DVL1: variants seen among roughly 807,000 people sequenced by gnomAD.
DVL1 encodes the protein dishevelled segment polarity protein 1.
A neutral mutation model predicts 65.0 loss-of-function variants in DVL1; 49 were observed. The observed-to-expected ratio is 0.75, with a 90% CI of 0.60 to 0.96. The LOEUF (loss-of-function observed/expected upper bound fraction) is 0.96, where lower values mean the gene tolerates loss of function less well. Ranked by LOEUF, DVL1 falls within the 40% of genes least tolerant of loss-of-function variation. The probability of loss-of-function intolerance (pLI) is 0.00; values close to 1 mark genes in which losing one functional copy is unlikely to be tolerated. For missense variants in DVL1, 1,197 were observed against 1,045.4 expected (o/e 1.15, Z -2.00); for synonymous variants, 608 against 433.9 (o/e 1.40, Z -4.99).
Position 1,336,207 on chromosome 1 carries a change from C to A in DVL1, c.2023G>T (p.Gly675Cys), listed in dbSNP as rs1346217406. The change falls in exon 15 of 15, where the codon GGC (glycine) becomes TGC (cysteine). Residue 675 changes from glycine to cysteine, a missense_variant. By Grantham distance (159) the Gly-to-Cys change is radical. Coordinates refer to ENST00000378888, the MANE Select transcript of DVL1 (RefSeq NM_001330311.2). ...ELAAVPPELT[G>C]SRQSFQKAMG... ...GCCTTCTGGAAGGACTGGCGGCTGCCTGTCAATTCCGGGGGGACGGCAGCC... is the reference window on the plus strand; with the variant it reads ...GCCTTCTGGAAGGACTGGCGGCTGCATGTCAATTCCGGGGGGACGGCAGCC... 1 of 1,562,278 alleles carries A rather than the reference C, an allele frequency of 6.4e-7. No individual in the cohort carries two copies. The highest frequency in any genetic ancestry group is 2.3e-5 in the East Asian group (1 of 42,808).
At position 1,336,199 on chromosome 1, in the gene DVL1, G is replaced by A. The variant is rs1348903210; in HGVS notation, c.2031C>T (p.Arg677=). 2 of 1,564,760 alleles carry A rather than the reference G, an allele frequency of 1.3e-6. No homozygotes were observed. Among genetic ancestry groups the A allele is most frequent in the Non-Finnish European group, 8.6e-7 (1 of 1,160,678 alleles). ...TCCCCATAGCCTTCTGGAAGGACTG[G>A]CGGCTGCCTGTCAATTCCGGGGGGA... ...AAVPPELTGS[R]QSFQKAMGNP... is the part of the protein sequence containing the mutation. Residue 677 remains arginine, a synonymous_variant, in exon 15 of 15, where the codon CGC becomes CGT. Coordinates refer to ENST00000378888, the MANE Select transcript of DVL1 (RefSeq NM_001330311.2).
rs1455345469 is a variant in DVL1 at position 1,348,960 on chromosome 1, C to A, written c.106G>T (p.Val36Leu). The change falls in exon 1 of 15, where the codon GTG becomes TTG. Residue 36 changes from valine to leucine, a missense_variant. By Grantham distance (32) the Val-to-Leu change is conservative. Coordinates refer to ENST00000378888, the MANE Select transcript of DVL1 (RefSeq NM_001330311.2). ...GCGTGCACGGGCCGGTTGCTGAGCA[C>A]GTTCTTGAAGTCGGCCAGCGTGACG... ...ERVTLADFKN[V>L]LSNRPVHAYK... is the part of the protein sequence containing the mutation. 1 of 1,574,882 alleles carries A rather than the reference C, an allele frequency of 6.3e-7. No individual in the cohort carries two copies. The highest frequency in any genetic ancestry group is 1.7e-5 in the Admixed American group (1 of 58,176).
rs1462006270 is a variant in DVL1 at position 1,348,953 on chromosome 1, C to T, written c.113G>A (p.Ser38Asn). The change falls in exon 1 of 15, where the codon AGC becomes AAC. Residue 38 changes from serine (S) to asparagine (N), a missense_variant. Transcript: ENST00000378888. ...TTTGTAGGCGTGCACGGGCCGGTTG[C>T]TGAGCACGTTCTTGAAGTCGGCCAG... ...VTLADFKNVLSNRPVHAYKFF... is the reference protein window; with the variant it reads ...VTLADFKNVLNNRPVHAYKFF... 2 of 1,574,144 alleles carry T rather than the reference C, an allele frequency of 1.3e-6. No individual in the cohort carries two copies. Among genetic ancestry groups the T allele is most frequent in the Non-Finnish European group, 1.7e-6 (2 of 1,157,092 alleles).
Position 1,336,256 on chromosome 1 carries a change from G to A in DVL1, c.1974C>T (p.Pro658=), listed in dbSNP as rs34935417. The change falls in exon 15 of 15, where the codon CCC becomes CCT. Residue 658 remains proline (P), a synonymous_variant. Coordinates refer to ENST00000378888, the MANE Select transcript of DVL1 (RefSeq NM_001330311.2). ...CCAGCTCCCGGACAGGGGGTCCCCC[G>A]GGTGGCCCCCCCACCACTGTATAGG... is the stretch of plus-strand genomic sequence containing the variant. ...TKAYTVVGGP[P]GGPPVRELAA... is the part of the protein sequence containing the mutation. 5,701 of 1,559,656 alleles carry A rather than the reference G, an allele frequency of 3.7e-3. 185 individuals carry two copies. The African/African-American group carries it at 0.065, about 18-fold the overall frequency.
chr1:1,336,926 G>T, intron 14 of DVL1: 1 of 893,248 alleles, frequency 1.1e-6, no homozygotes, highest in Non-Finnish European at 1.3e-6. Context: ...ACTCAGCTCA[G>T]CCCTGTCCTG....
In DVL1 at chr1:1,338,538, G is replaced by C; in HGVS notation, c.1323C>G (p.Ile441Met). 1 of 1,612,612 alleles carries C rather than the reference G, an allele frequency of 6.2e-7. No individual in the cohort carries two copies. The highest frequency in any genetic ancestry group is 1.1e-5 in the South Asian group (1 of 91,082). The change falls in exon 12 of 15, where the codon ATC becomes ATG. Residue 441 changes from isoleucine to methionine, a missense_variant. Transcript: ENST00000378888. ...GCCACTCACCGATGACGGCATTGGC[G>C]ATGGTGATCTTGAGCCACATGCGGT... Reference protein sequence around the residue: ...IRDRMWLKITIANAVIGADVV... With the variant: ...IRDRMWLKITMANAVIGADVV...
At chr1:1,344,796 C>T (rs935274182) in intron 1 of DVL1, among the ~76,000 whole-genome samples, 10 of 152,168 alleles carry the variant, frequency 6.6e-5, no homozygotes, top group Non-Finnish European at 1.2e-4. Context: ...CACTAGCTGC[C>T]GCCAGGGGGC....
At position 1,340,119 on chromosome 1, in the gene DVL1, G is replaced by A. The variant is rs1424616718; in HGVS notation, c.828C>T (p.Gly276=). 9.9e-6 allele frequency: 16 copies of A among 1,613,342 alleles called. No homozygotes were observed. Among genetic ancestry groups the A allele is most frequent in the Admixed American group, 1.7e-5 (1 of 60,006 alleles). Residue 276 remains glycine (G), a synonymous_variant, in exon 8 of 15, where the codon GGC becomes GGT. Coordinates refer to ENST00000378888, the MANE Select transcript of DVL1 (RefSeq NM_001330311.2). Reference sequence around the variant, plus strand: ...TCATGATGGAGCCAATGTAGATGCCGCCGTCTCCACGGTCGTTGCTCTGCC... The same window carrying A: ...TCATGATGGAGCCAATGTAGATGCCACCGTCTCCACGGTCGTTGCTCTGCC... ...IVGQSNDRGD[G]GIYIGSIMKG...
In DVL1 at chr1:1,338,651, G is replaced by C. The variant is rs535995430; in HGVS notation, c.1210C>G (p.Leu404Val). The C allele has an allele frequency of 6.2e-7, 1 of 1,609,080 alleles. No individual in the cohort carries two copies. The highest frequency in any genetic ancestry group is 2.2e-5 in the East Asian group (1 of 44,874). ...LTSSVPGAPQ[L>V]EEAPLTVKSD... is the part of the protein sequence containing the mutation. The stretch of plus-strand genomic sequence containing the variant: ...TTCACCGTCAGCGGCGCCTCTTCCA[G>C]CTCTGCAAAGCACAGACAGCCCCGC... The change falls in exon 12 of 15, where the codon CTG becomes GTG. Residue 404 changes from leucine to valine, a missense_variant and splice_region_variant. Physicochemically the swap from Leu to Val is conservative, Grantham distance 32. Transcript: ENST00000378888.
rs1468209139 is a variant in DVL1 at position 1,336,462 on chromosome 1, T to C, written c.1768A>G (p.Lys590Glu). 1.9e-6 allele frequency: 3 copies of C among 1,564,748 alleles called. No homozygotes were observed. Among genetic ancestry groups the C allele is most frequent in the Admixed American group, 1.8e-5 (1 of 54,232 alleles). The change falls in exon 15 of 15, where the codon AAG becomes GAG. Residue 590 changes from lysine (K) to glutamate (E), a missense_variant. Physicochemically the swap from Lys to Glu is moderately conservative, Grantham distance 56 (BLOSUM62 1). Transcript: ENST00000378888. ...CCAGCTCCCGCCGCCCGACGCTCCT[T>C]CTCACGGCCCGGGGCCCGGCGGCTG... ...RSSRRAPGRE[K>E]ERRAAGAGGS...
At chr1:1,346,151 C>A (rs1643911994) in intron 1 of DVL1, among the ~76,000 whole-genome samples, 1 of 152,150 alleles carries the variant, frequency 6.6e-6, no homozygotes, top group Admixed American at 6.5e-5. Context: ...CCCCCACAGC[C>A]CAGGCCAGGC....
chr1:1,348,714 G>A (rs2100780188), intron 1 of DVL1, among the ~76,000 whole-genome samples, 182 bp downstream of exon 1: 1 of 152,030 alleles, frequency 6.6e-6, no homozygotes, highest in East Asian at 2.0e-4. Context: ...CCGCTCCACG[G>A]ACAGGTGGGC....
chr1:1,340,806 C>T (rs534861173), intron 5 of DVL1, among the ~76,000 whole-genome samples: 1 of 146,178 alleles, frequency 6.8e-6, no homozygotes, highest in South Asian at 2.2e-4. Flanking sequence ...GCACAAGGCA[C>T]ACATGCACAC....
chr1:1,336,346 G>T lies in DVL1; in HGVS notation c.1884C>A (p.Ser628Arg). 1 of 1,592,982 alleles carries T rather than the reference G, an allele frequency of 6.3e-7. No homozygotes were observed. Among genetic ancestry groups the T allele is most frequent in the Non-Finnish European group, 8.5e-7 (1 of 1,176,472 alleles). The part of the protein sequence containing the change: ...ERPAGQLSRG[S>R]SPRSQASATA... ...TAGCCGAGGCCTGACTGCGTGGGCT[G>T]CTGCCACGGCTGAGCTGGCCGGCCG... The change falls in exon 15 of 15, where the codon AGC becomes AGA. Residue 628 changes from serine (S) to arginine (R), a missense_variant. Transcript: ENST00000378888.
intron 1 of DVL1, among the ~76,000 whole-genome samples, chr1:1,346,122 G>A (rs1004419285): frequency 2.6e-5 from 4 of 152,134 alleles, no homozygotes; most frequent in Admixed American, 6.5e-5. Flanking sequence ...CACAGCCAGG[G>A]AGGGCGGAGT....
At chr1:1,347,297 C>T (rs1284145024) in intron 1 of DVL1, among the ~76,000 whole-genome samples, 1 of 152,172 alleles carries the variant, frequency 6.6e-6, no homozygotes, top group African/African-American at 2.4e-5. Context: ...CTTTCCTGGC[C>T]GCATCCCCAA....
chr1:1,338,229 T>TGGGCCGCCCCCCCC, intron 13 of DVL1, 40 bp downstream of exon 13: 1 of 1,522,372 alleles, frequency 6.6e-7, no homozygotes. Flanking sequence ...CCTCCGGCGT[T>TGGGCCGCCCCCCCC]CCCCTCCCCC....
Position 1,335,773 on chromosome 1 carries a change from G to A in DVL1, c.*369C>T, listed in dbSNP as rs1035679069. On this transcript the variant is annotated 3_prime_UTR_variant, in exon 15 of 15. Coordinates refer to ENST00000378888, the MANE Select transcript of DVL1 (RefSeq NM_001330311.2). ...TCCCTACTCCAGACAGGGGGCCTGT[G>A]CACCGCAGGGGGTTGCCCCGCATGG... The A allele has an allele frequency of 3.9e-6, 1 of 253,828 alleles. No individual in the cohort carries two copies. The highest frequency in any genetic ancestry group is 7.6e-6 in the Non-Finnish European group (1 of 131,300). The allele number at this position is 253,828 out of a possible 1,614,324, so 15.7% of individuals were successfully genotyped here.
In DVL1 at chr1:1,339,786, C is replaced by T. The variant is rs1241879505; in HGVS notation, c.936G>A (p.Met312Ile). ...GCACCCGCACGGCATCGTCATTGCT[C>T]ATGTTCTCAAAGTTCACGTCATTCA... ...LQVNDVNFEN[M>I]SNDDAVRVLR... The change falls in exon 9 of 15, where the codon ATG becomes ATA. Residue 312 changes from methionine to isoleucine, a missense_variant. Physicochemically the swap from Met to Ile is conservative, Grantham distance 10. Transcript: ENST00000378888. The T allele has an allele frequency of 6.2e-7, 1 of 1,612,330 alleles. No individual in the cohort carries two copies. Among genetic ancestry groups the T allele is most frequent in the Non-Finnish European group, 8.5e-7 (1 of 1,179,918 alleles).
Sources: gnomAD v4.1 joint callset for allele counts (sites outside exome capture counted in the v4.1 genomes callset) on GRCh38, gnomAD v4.1.1 for gene constraint, MANE v1.5 for transcripts, NCBI Gene and HGNC (gene_info 2026-07-23, HGNC 2026-07-21) for gene names.